The following NCBP1 variants were observed in gnomAD, a reference collection of about 807,000 sequenced individuals.
NCBP1 encodes nuclear cap binding protein subunit 1, also known as nuclear cap-binding protein subunit 1.
In NCBP1, 16 loss-of-function variants were observed where a neutral mutation model predicts 111.7. The observed-to-expected ratio is 0.14, with a 90% confidence interval of 0.10 to 0.22. NCBP1 has a LOEUF of 0.22. Ranked by LOEUF, NCBP1 falls within the 10% of genes least tolerant of loss-of-function variation. NCBP1 has a pLI of 1.00. For missense variants in NCBP1, 607 were observed against 957.5 expected, an observed-to-expected ratio of 0.63 and a Z score of 4.83; for synonymous variants, 304 against 314.3, an observed-to-expected ratio of 0.97 and a Z score of 0.35.
rs377264051 is a variant in NCBP1, at chr9:97,671,167, G to A, written c.2341G>A (p.Val781Met). 7.4e-6 allele frequency: 12 copies of A among 1,612,966 alleles called. No individual in the cohort carries two copies. The highest frequency in any genetic ancestry group is 1.6e-4 in the Middle Eastern group (1 of 6,078). Residue 781 changes from valine (V) to methionine (M), a missense_variant, in exon 23 of 23, where the codon GTG (valine) becomes ATG (methionine). Coordinates refer to ENST00000375147, the MANE Select transcript of NCBP1 (RefSeq NM_002486.5). ...TGAATTAGACCCTCATATCTTGGCC[G>A]TGTTCCAGCAGTTCTGTGCCCTGCA... is the stretch of plus-strand genomic sequence containing the variant. ...TAELDPHILA[V>M]FQQFCALQA
chr9:97,643,445 T>C (rs748020674), intron 4 of NCBP1, 85 bp downstream of exon 4: 19 of 1,347,630 alleles, frequency 1.4e-5, no homozygotes, highest in Non-Finnish European at 1.7e-5. Context: ...TTTAAAATGC[T>C]CTCCTAAAAC....
At chr9:97,636,433 G>T (rs1229963586) in intron 1 of NCBP1, among the ~76,000 whole-genome samples, 2 of 147,800 alleles carry the variant, frequency 1.4e-5, no homozygotes, top group African/African-American at 2.5e-5. Context: ...TCTATATATA[G>T]AGTGTGTGTA....
intron 21 of NCBP1, 33 bp from the exon 22 acceptor site, chr9:97,669,560 G>A (rs1379122659): frequency 4.2e-6 from 6 of 1,434,364 alleles, no homozygotes; most frequent in Non-Finnish European, 5.9e-6. Flanking sequence ...GATTCTGTCT[G>A]TAGTACTACC....
chr9:97,636,476 T>C lies in NCBP1; in HGVS notation c.34+2561T>C, dbSNP rs1827029386. Among the ~76,000 whole-genome samples the C allele has an allele frequency of 2.1e-5, 3 of 145,992 alleles. 1 individual carries two copies. In the South Asian group the frequency reaches 6.3e-4, roughly 31 times the overall value. ...AAACTATAATAGAATGTATTATATA[T>C]ATTTATATATTATATAAATTTATAT... On this transcript the variant is annotated intron_variant, in intron 1 of 22. Coordinates refer to ENST00000375147, the MANE Select transcript of NCBP1 (RefSeq NM_002486.5).
At chr9:97,648,403 A>C (rs1163359211) in intron 8 of NCBP1, among the ~76,000 whole-genome samples, 180 bp downstream of exon 8, 1 of 152,218 alleles carries the variant, frequency 6.6e-6, no homozygotes, top group African/African-American at 2.4e-5. Flanking sequence ...TATGCAAGAA[A>C]TTATATTTGG....
chr9:97,658,603 TAA>T, intron 14 of NCBP1, 35 bp from the exon 15 acceptor site: 2 of 1,498,470 alleles, frequency 1.3e-6, no homozygotes, highest in Non-Finnish European at 1.9e-6. Flanking sequence ...ATGGGACTGA[TAA>T]AAGATATTTT....
intron 12 of NCBP1, among the ~76,000 whole-genome samples, 170 bp from the exon 13 acceptor site, chr9:97,655,532 C>T (rs1206135605): frequency 6.6e-6 from 1 of 152,088 alleles, no homozygotes; most frequent in Admixed American, 6.6e-5. Flanking sequence ...TGTCATTGAC[C>T]TAAAAAGGAT....
chr9:97,644,108 A>C (rs1418937213), intron 4 of NCBP1, among the ~76,000 whole-genome samples: 1 of 152,220 alleles, frequency 6.6e-6, no homozygotes, highest in East Asian at 1.9e-4. Context: ...CTAATAATAC[A>C]TAGATTAATG....
intron 19 of NCBP1, among the ~76,000 whole-genome samples, chr9:97,666,368 C>T (rs1327319166): frequency 1.3e-5 from 2 of 152,218 alleles, no homozygotes; most frequent in East Asian, 1.9e-4. Flanking sequence ...GGAAATAAGT[C>T]TCAGGTTAGG....
At chr9:97,645,935 T>TGGC (rs900511441) in intron 6 of NCBP1, among the ~76,000 whole-genome samples, 1 of 152,238 alleles carries the variant, frequency 6.6e-6, no homozygotes, top group Non-Finnish European at 1.5e-5. Context: ...AAAGGACAGT[T>TGGC]GGCAATATAG....
intron 6 of NCBP1, among the ~76,000 whole-genome samples, chr9:97,646,642 C>T (rs564436497): frequency 6.6e-6 from 1 of 152,072 alleles, no homozygotes; most frequent in East Asian, 1.9e-4. Context: ...TTGAGACCAG[C>T]CTGGCCAACA....
chr9:97,641,299 A>G (rs1185435208), intron 2 of NCBP1, among the ~76,000 whole-genome samples: 2 of 152,042 alleles, frequency 1.3e-5, no homozygotes, highest in Admixed American at 6.6e-5. Context: ...TCCACTTTTC[A>G]TGGATTTCTG....
intron 6 of NCBP1, 122 bp from the exon 7 acceptor site, chr9:97,647,370 C>A: frequency 1.5e-6 from 1 of 679,724 alleles, no homozygotes; most frequent in Non-Finnish European, 2.5e-6. Context: ...CAGTTGATAT[C>A]TGCCACTCCA....
Position 97,666,768 on chromosome 9 carries a change from T to A in NCBP1, c.1907T>A (p.Phe636Tyr), listed in dbSNP as rs1459224114. The change falls in exon 20 of 23, where the codon TTT becomes TAT. Residue 636 changes from phenylalanine to tyrosine, a missense_variant. Physicochemically the swap from Phe to Tyr is conservative, Grantham distance 22 (BLOSUM62 3). Around this residue, in one of 9 missense-constraint regions of NCBP1, gnomAD observed 282 missense variants for 376.5 expected, o/e 0.75. Coordinates refer to ENST00000375147, the MANE Select transcript of NCBP1 (RefSeq NM_002486.5). ...AAATGCCATATTTCTTTAAGATTGT[T>A]TGTTTGGGAAATTTTGCACTCTACA... ...SELSRDFTRL[F>Y]VWEILHSTIR... 6.3e-7 allele frequency: 1 copy of A among 1,590,212 alleles called. No homozygotes were observed. The highest frequency in any genetic ancestry group is 8.6e-7 in the Non-Finnish European group (1 of 1,168,670).
intron 20 of NCBP1, among the ~76,000 whole-genome samples, chr9:97,668,229 T>A (rs1828067468): frequency 6.6e-6 from 1 of 152,244 alleles, no homozygotes; most frequent in Non-Finnish European, 1.5e-5. Context: ...ATCTAACCTC[T>A]CAGCCTTTTT....
rs2131361651 is a variant in NCBP1, at chr9:97,662,872, G to A, written c.1704-82G>A. On this transcript the variant is annotated intron_variant, in intron 17 of 22. Transcript: ENST00000375147. The stretch of plus-strand genomic sequence containing the variant: ...ATTTATATATTGCATTATAAATTGA[G>A]TAACATTGAAAAGGCTTTGAAAACA... 4 of 1,018,480 alleles carry A rather than the reference G, an allele frequency of 3.9e-6. No individual in the cohort carries two copies. In the East Asian group the frequency reaches 9.7e-5, roughly 25 times the overall value. 63.1% of individuals were successfully genotyped at this position (1,018,480 alleles called of 1,614,324 possible).
At chr9:97,634,063 T>C (rs978229901) in intron 1 of NCBP1, 148 bp downstream of exon 1, 3 of 1,072,660 alleles carry the variant, frequency 2.8e-6, no homozygotes, top group Admixed American at 3.3e-5. Context: ...ATGGTGGCGG[T>C]GTGGTCGGGC....
intron 17 of NCBP1, 54 bp from the exon 18 acceptor site, chr9:97,662,900 A>G: frequency 7.5e-7 from 1 of 1,333,186 alleles, no homozygotes; most frequent in Non-Finnish European, 1.1e-6. Context: ...TGAAAACACT[A>G]AAATGTTTAA....
chr9:97,660,508 T>C (rs940393848), intron 15 of NCBP1, among the ~76,000 whole-genome samples: 2 of 152,170 alleles, frequency 1.3e-5, no homozygotes, highest in African/African-American at 4.8e-5. Flanking sequence ...TTGTTGAGAC[T>C]CAGACTTCAT....
Sources: allele counts gnomAD v4.1 joint callset (sites outside exome capture counted in the v4.1 genomes callset), GRCh38; gene constraint gnomAD v4.1.1; regional missense constraint gnomAD v4.1.1; transcripts MANE v1.5; gene names NCBI Gene and HGNC (gene_info 2026-07-23, HGNC 2026-07-21).